RAD51B: variants seen among roughly 807,000 people sequenced by gnomAD.
RAD51B encodes the protein DNA repair protein RAD51 homolog 2.
In RAD51B, 38 loss-of-function variants were observed where a neutral mutation model predicts 42.2. The observed-to-expected ratio is 0.90, with a 90% confidence interval of 0.70 to 1.18. The LOEUF is 1.18. RAD51B is among the 50% of genes most tolerant of loss of function. The probability of loss-of-function intolerance (pLI) is 0.00; values close to 1 mark genes in which losing one functional copy is unlikely to be tolerated. For missense variants in RAD51B, 373 were observed against 400.7 expected (o/e 0.93, Z 0.59); for synonymous variants, 154 against 145.2 (o/e 1.06, Z -0.43).
In RAD51B at chr14:67,970,436, C is replaced by T. The variant is rs768302762; in HGVS notation, c.756+83232C>T. On this transcript the variant is annotated intron_variant, in intron 7 of 10. Coordinates refer to ENST00000471583, the MANE Select transcript of RAD51B (RefSeq NM_133510.4). ...GAGCCAGTCCTTGGTGGATCTAGTTCTTTCCAACTCTTGTTTTTAGTCATC... is the reference window on the plus strand; with the variant it reads ...GAGCCAGTCCTTGGTGGATCTAGTTTTTTCCAACTCTTGTTTTTAGTCATC... 4.0e-5 allele frequency among the ~76,000 whole-genome samples: 6 copies of T among 151,668 alleles called. No individual in the cohort carries two copies. In the South Asian group the frequency reaches 1.2e-3, roughly 32 times the overall value.
rs1047336870 is a variant in RAD51B, at chr14:68,565,906, G to T, written c.1037-28579G>T. 6.6e-6 allele frequency among the ~76,000 whole-genome samples: 1 copy of T among 152,108 alleles called. No homozygotes were observed. Among genetic ancestry groups the T allele is most frequent in the Admixed American group, 6.5e-5 (1 of 15,270 alleles). ...GAGGTGTCTGGCCACTCTCATCCCC[G>T]CCGGGCTCCAATGTGGCCACAAGCC... On this transcript the variant is annotated intron_variant, in intron 10 of 10. Coordinates refer to the RAD51B transcript ENST00000487270. The surrounding 1 kb of genome is among the most constrained non-coding windows in gnomAD (Gnocchi z 4.1).
At chr14:68,357,868 C>G (rs554538738) in intron 8 of RAD51B, among the ~76,000 whole-genome samples, 2 of 152,334 alleles carry the variant, frequency 1.3e-5, no homozygotes, top group South Asian at 2.1e-4. Flanking sequence ...TTTCAACATG[C>G]CTTCCTCACT....
chr14:68,607,793 C>T (rs1026453745), intron 10 of RAD51B, among the ~76,000 whole-genome samples: 1 of 152,090 alleles, frequency 6.6e-6, no homozygotes, highest in Non-Finnish European at 1.5e-5. Flanking sequence ...AGCCATTCTG[C>T]GGGGTGCTGG....
chr14:68,097,536 T>C (rs374004977), intron 7 of RAD51B, among the ~76,000 whole-genome samples: 92 of 152,320 alleles, frequency 6.0e-4, no homozygotes, highest in African/African-American at 2.1e-3. Context: ...GTCAGACTCA[T>C]TTGCTCACAG....
chr14:67,925,347 A>G (rs751351593), intron 7 of RAD51B, among the ~76,000 whole-genome samples: 5 of 150,826 alleles, frequency 3.3e-5, no homozygotes, highest in African/African-American at 1.2e-4. Context: ...ATCTCGGCTC[A>G]CTGTACCCTC....
intron 10 of RAD51B, among the ~76,000 whole-genome samples, chr14:68,558,114 T>C (rs1225285673): frequency 6.6e-6 from 1 of 152,206 alleles, no homozygotes; most frequent in Non-Finnish European, 1.5e-5. Flanking sequence ...TTCCAGGTGA[T>C]CAAGCTTGGG....
intron 7 of RAD51B, among the ~76,000 whole-genome samples, chr14:68,175,453 C>T (rs1319482502): frequency 6.6e-6 from 1 of 152,130 alleles, no homozygotes; most frequent in Non-Finnish European, 1.5e-5. Context: ...GGATGTGCTA[C>T]CTCACAAGCA....
chr14:68,572,798 A>G (rs1001300952), intron 10 of RAD51B, among the ~76,000 whole-genome samples: 5 of 152,208 alleles, frequency 3.3e-5, no homozygotes, highest in African/African-American at 4.8e-5. Flanking sequence ...TGCCAGTGTC[A>G]TATCAATAGC....
At chr14:68,175,315 T>C (rs2140868962) in intron 7 of RAD51B, among the ~76,000 whole-genome samples, 1 of 152,254 alleles carries the variant, frequency 6.6e-6, no homozygotes, top group East Asian at 1.9e-4. Context: ...AGTATTTGAG[T>C]TTCATCAGTT....
intron 7 of RAD51B, among the ~76,000 whole-genome samples, chr14:68,109,452 T>G (rs966256459): frequency 6.6e-6 from 1 of 152,018 alleles, no homozygotes; most frequent in Non-Finnish European, 1.5e-5. Context: ...CAAAGCATTA[T>G]GTAACAGGAA....
chr14:67,835,187 C>G lies in RAD51B; in HGVS notation c.306C>G (p.Ser102=). The stretch of plus-strand genomic sequence containing the variant: ...TGCATGGTGGTGTGGCTTGTGGATC[C>G]CTCACAGAGGTAAAGGAAAAATTTT... ...EALHGGVACG[S]LTEITGPPGC... is the part of the protein sequence containing the mutation. Residue 102 remains serine, a synonymous_variant, in exon 4 of 11, where the codon TCC becomes TCG. Transcript: ENST00000471583. 1.2e-6 allele frequency: 2 copies of G among 1,612,600 alleles called. No individual in the cohort carries two copies. The highest frequency in any genetic ancestry group is 1.7e-6 in the Non-Finnish European group (2 of 1,178,764).
chr14:68,314,383 G>A (rs1455170814), intron 8 of RAD51B, among the ~76,000 whole-genome samples: 6 of 152,106 alleles, frequency 3.9e-5, no homozygotes, highest in Non-Finnish European at 8.8e-5. Flanking sequence ...CAACCAAATA[G>A]TGTTAATCAC....
At chr14:68,043,525 A>C (rs1005260725) in intron 7 of RAD51B, among the ~76,000 whole-genome samples, 1 of 152,228 alleles carries the variant, frequency 6.6e-6, no homozygotes, top group African/African-American at 2.4e-5. Flanking sequence ...AATGGAATTC[A>C]AGCCCCAATT....
intron 10 of RAD51B, among the ~76,000 whole-genome samples, chr14:68,578,838 A>G (rs1287497406): frequency 6.6e-6 from 1 of 152,216 alleles, no homozygotes; most frequent in Non-Finnish European, 1.5e-5. Context: ...GGGATAGCTA[A>G]TGGGTGTGTC....
chr14:67,881,696 TAC>T (rs140266402), intron 5 of RAD51B, among the ~76,000 whole-genome samples: 11,510 of 152,246 alleles, frequency 0.076, 646 homozygotes, highest in Non-Finnish European at 0.12. Flanking sequence ...TCTCAAGGAT[TAC>T]AGTCTCAAGC....
chr14:68,275,358 C>T (rs1233510312), intron 7 of RAD51B, among the ~76,000 whole-genome samples: 1 of 151,988 alleles, frequency 6.6e-6, no homozygotes, highest in Non-Finnish European at 1.5e-5. Context: ...TTGAGCTTTG[C>T]TGTTGGCTTT....
chr14:68,137,654 T>C lies in RAD51B; in HGVS notation c.757-154230T>C, dbSNP rs376441073. ...GCCTTTGAATACTTGTTCAATTTTA[T>C]TCATTGGGGCAAAAAGGTATGCACA... On this transcript the variant is annotated intron_variant, in intron 7 of 10. Coordinates refer to ENST00000471583, the MANE Select transcript of RAD51B (RefSeq NM_133510.4). Among the ~76,000 whole-genome samples, 8 of 152,186 alleles carry C rather than the reference T, an allele frequency of 5.3e-5. No individual in the cohort carries two copies. The East Asian group carries it at 1.2e-3, about 22-fold the overall frequency.
chr14:68,340,271 T>A (rs2082545126), intron 8 of RAD51B, among the ~76,000 whole-genome samples: 1 of 152,214 alleles, frequency 6.6e-6, no homozygotes, highest in African/African-American at 2.4e-5. Flanking sequence ...TCAGAGAACC[T>A]GCAGACAGGA....
chr14:68,019,103 T>A (rs1402672771), intron 7 of RAD51B, among the ~76,000 whole-genome samples: 1 of 151,582 alleles, frequency 6.6e-6, no homozygotes, highest in Non-Finnish European at 1.5e-5. Flanking sequence ...GCTGATTTAC[T>A]GAAACACCCA....
Sources: gnomAD v4.1 joint callset for allele counts (sites outside exome capture counted in the v4.1 genomes callset) on GRCh38, gnomAD v4.1.1 for gene constraint, Gnocchi (gnomAD v3.1) non-coding constraint, MANE v1.5 for transcripts, NCBI Gene and HGNC (gene_info 2026-07-23, HGNC 2026-07-21) for gene names.